The following TRHDE variants were observed in gnomAD, a reference collection of about 807,000 sequenced individuals.
TRHDE encodes the protein thyrotropin-releasing hormone-degrading ectoenzyme.
A neutral mutation model predicts 125.7 loss-of-function variants in TRHDE; 72 were observed. That is an observed-to-expected ratio of 0.57 (90% CI 0.47 to 0.70). The LOEUF (loss-of-function observed/expected upper bound fraction) is 0.70, where lower values mean the gene tolerates loss of function less well. Among genes scored for constraint, TRHDE ranks in the 30% least tolerant of loss-of-function variants. The probability of loss-of-function intolerance (pLI) is 0.00; values close to 1 mark genes in which losing one functional copy is unlikely to be tolerated. For synonymous variants in TRHDE, 509 were observed against 509.1 expected (o/e 1.00, Z 0.00); for missense variants, 1,110 against 1,327.1 (o/e 0.84, Z 2.54).
chr12:72,619,066 T>C (rs1261600748), intron 13 of TRHDE, 28 bp downstream of exon 13: 1 of 1,478,472 alleles, frequency 6.8e-7, no homozygotes, highest in African/African-American at 1.4e-5. Flanking sequence ...TTCTTTCTAA[T>C]TTTTAGAAGA....
chr12:72,265,406 T>C lies in TRHDE; in HGVS notation n.280-112589T>C, dbSNP rs186297227. Among the ~76,000 whole-genome samples, 484 of 151,778 alleles carry C rather than the reference T, an allele frequency of 3.2e-3. 6 individuals are homozygous for C. Among genetic ancestry groups the C allele is most frequent in the South Asian group, 9.3e-3 (45 of 4,818 alleles). On this transcript the variant is annotated intron_variant and non_coding_transcript_variant, in intron 2 of 4. Coordinates refer to the TRHDE transcript ENST00000548156. ...AAAACATGTACAGAGAGAGAAAAAA[T>C]GGTATGTTGGTGTAGCCTTGGTGTG...
At chr12:72,407,695 TG>T (rs1401196260) in intron 3 of TRHDE, among the ~76,000 whole-genome samples, 3 of 152,234 alleles carry the variant, frequency 2.0e-5, no homozygotes, top group Non-Finnish European at 2.9e-5. Context: ...CACTTTTCTC[TG>T]GGGATGTTTG....
At chr12:72,520,421 C>A (rs189678640) in intron 6 of TRHDE, among the ~76,000 whole-genome samples, 15 of 152,294 alleles carry the variant, frequency 9.8e-5, no homozygotes, top group African/African-American at 2.2e-4. Context: ...CCGACCGTCA[C>A]GCCTTTCTTT....
At chr12:72,164,899 G>A (rs993466955) in intron 2 of TRHDE, among the ~76,000 whole-genome samples, 4 of 152,128 alleles carry the variant, frequency 2.6e-5, no homozygotes, top group African/African-American at 7.2e-5. Flanking sequence ...AGATTCCCAA[G>A]CTTGGAACAC....
In TRHDE at chr12:72,667,567, A is replaced by C. The variant is rs980890362; in HGVS notation, c.*4372A>C. ...ATTACAATAAATGAAAAAGAAAAAG[A>C]AATAATGAACCAAGGGAATGAGGGC... On this transcript the variant is annotated 3_prime_UTR_variant, in exon 19 of 19. Transcript: ENST00000261180. 3 of 151,748 alleles carry C rather than the reference A, an allele frequency of 2.0e-5. No individual in the cohort carries two copies. The highest frequency in any genetic ancestry group is 4.4e-5 in the Non-Finnish European group (3 of 67,760). The allele number at this position is 151,748 out of a possible 1,614,324, so 9.4% of individuals were successfully genotyped here.
At chr12:72,279,240 C>A (rs901606711) in intron 1 of TRHDE, among the ~76,000 whole-genome samples, 1 of 152,148 alleles carries the variant, frequency 6.6e-6, no homozygotes, top group Non-Finnish European at 1.5e-5. Flanking sequence ...ATGGGACTTA[C>A]CTCTGTAAGT....
chr12:72,651,810 A>G (rs981225058), intron 15 of TRHDE, among the ~76,000 whole-genome samples: 1 of 151,988 alleles, frequency 6.6e-6, no homozygotes. Context: ...TTTATTACCT[A>G]TATTTATAAT....
intron 6 of TRHDE, among the ~76,000 whole-genome samples, chr12:72,502,084 A>C (rs1878179846): frequency 6.6e-6 from 1 of 151,926 alleles, no homozygotes; most frequent in Admixed American, 6.6e-5. Flanking sequence ...GTCTAGCTGG[A>C]CATTTATAAA....
chr12:72,142,567 C>T (rs1243614563), intron 2 of TRHDE, among the ~76,000 whole-genome samples: 2 of 152,130 alleles, frequency 1.3e-5, no homozygotes, highest in African/African-American at 4.8e-5. Context: ...GCAAAGGTCT[C>T]ACCCTCAAGC....
At chr12:72,654,172 C>T (rs988620885) in intron 17 of TRHDE, among the ~76,000 whole-genome samples, 7 of 152,138 alleles carry the variant, frequency 4.6e-5, no homozygotes, top group African/African-American at 1.2e-4. Context: ...GAATATCAAA[C>T]ATCTACCAAT....
At chr12:72,433,353 A>G (rs866804661) in intron 3 of TRHDE, among the ~76,000 whole-genome samples, 1 of 152,134 alleles carries the variant, frequency 6.6e-6, no homozygotes, top group Non-Finnish European at 1.5e-5. Context: ...ACTGATATTA[A>G]TTCTTTAAAC....
chr12:72,125,659 A>C (rs543428635), intron 2 of TRHDE, among the ~76,000 whole-genome samples: 7 of 152,202 alleles, frequency 4.6e-5, no homozygotes, highest in Non-Finnish European at 7.3e-5. Context: ...TAATGCTTTT[A>C]AAATCTACAT....
intron 12 of TRHDE, among the ~76,000 whole-genome samples, chr12:72,578,811 T>C (rs547332276): frequency 2.0e-5 from 3 of 152,302 alleles, no homozygotes; most frequent in South Asian, 2.1e-4. Flanking sequence ...TTTTTAAATA[T>C]ATAAATTTGC....
Position 72,663,542 on chromosome 12 carries a change from T to C in TRHDE, c.*347T>C, listed in dbSNP as rs2136118871. 1 of 166,586 alleles carries C rather than the reference T, an allele frequency of 6.0e-6. No homozygotes were observed. Among genetic ancestry groups the C allele is most frequent in the South Asian group, 1.7e-4 (1 of 5,794 alleles). 10.3% of individuals were successfully genotyped at this position (166,586 alleles called of 1,614,324 possible). On this transcript the variant is annotated 3_prime_UTR_variant, in exon 19 of 19. Transcript: ENST00000261180. Reference sequence around the variant, plus strand: ...TGGAAAAACATATTCAGAATATCTGTGCATGGATATATTGTCCTGCCTGTG... The same window carrying C: ...TGGAAAAACATATTCAGAATATCTGCGCATGGATATATTGTCCTGCCTGTG...
At chr12:72,262,825 G>A (rs1294006620) in intron 2 of TRHDE, 1 of 152,056 alleles carries the variant, frequency 6.6e-6, no homozygotes, top group Non-Finnish European at 1.5e-5. Flanking sequence ...TTGGATGTTA[G>A]CGCTTCTAAA....
chr12:72,192,248 T>C (rs1877355686), intron 2 of TRHDE, among the ~76,000 whole-genome samples: 1 of 152,102 alleles, frequency 6.6e-6, no homozygotes, highest in Non-Finnish European at 1.5e-5. Context: ...TTGGAGTGGA[T>C]CTTGAATTTC....
intron 2 of TRHDE, among the ~76,000 whole-genome samples, chr12:72,353,828 A>G (rs1052529251): frequency 1.3e-5 from 2 of 151,638 alleles, no homozygotes; most frequent in Admixed American, 1.3e-4. Context: ...CTCTTCTACT[A>G]TTGATGGGTG....
chr12:72,544,573 C>T (rs1869319262), intron 7 of TRHDE, among the ~76,000 whole-genome samples: 1 of 150,608 alleles, frequency 6.6e-6, no homozygotes, highest in African/African-American at 2.4e-5. Flanking sequence ...CTCTCTTGCT[C>T]TCTTTTCTTC....
At chr12:72,137,888 A>G (rs1876018921) in intron 2 of TRHDE, among the ~76,000 whole-genome samples, 1 of 152,218 alleles carries the variant, frequency 6.6e-6, no homozygotes, top group African/African-American at 2.4e-5. Context: ...GAGATTCCAC[A>G]GGAAAGACCT....
Sources: gnomAD v4.1 joint callset for allele counts (sites outside exome capture counted in the v4.1 genomes callset) on GRCh38, gnomAD v4.1.1 for gene constraint, MANE v1.5 for transcripts, NCBI Gene and HGNC (gene_info 2026-07-23, HGNC 2026-07-21) for gene names.